The following ERC1 variants were observed in gnomAD, a reference collection of about 807,000 sequenced individuals.
ERC1 encodes RAB6 interacting protein 2.
Under a neutral mutation model 132.0 loss-of-function variants are expected in ERC1, and 56 were observed. That is an observed-to-expected ratio of 0.42 (90% confidence interval 0.34 to 0.53). The LOEUF is 0.53. ERC1 is among the 20% of genes least tolerant of loss of function. The probability of loss-of-function intolerance (pLI) is 0.03; values close to 1 mark genes in which losing one functional copy is unlikely to be tolerated. For synonymous variants in ERC1, 478 were observed against 476.1 expected (o/e 1.00, Z -0.05); for missense variants, 1,202 against 1,349.9 (o/e 0.89, Z 1.72).
chr12:1,352,945 G>T (rs2154367276), intron 15 of ERC1, among the ~76,000 whole-genome samples: 1 of 151,888 alleles, frequency 6.6e-6, no homozygotes, highest in Non-Finnish European at 1.5e-5. Context: ...TGTGATTTAG[G>T]CATGTATATT....
intron 15 of ERC1, among the ~76,000 whole-genome samples, chr12:1,315,467 C>G (rs924463235): frequency 7.9e-5 from 12 of 152,078 alleles, no homozygotes; most frequent in African/African-American, 1.9e-4. Flanking sequence ...TCTCCTGCCT[C>G]AGCCTCCCAA....
At chr12:1,031,359 T>G (rs779095323) in intron 2 of ERC1, among the ~76,000 whole-genome samples, 2 of 152,212 alleles carry the variant, frequency 1.3e-5, no homozygotes, top group Non-Finnish European at 2.9e-5. Flanking sequence ...TATTATGCTG[T>G]GACCTTCTTT....
intron 7 of ERC1, among the ~76,000 whole-genome samples, chr12:1,129,323 CAAAACT>C (rs1389036033): frequency 0.012 from 32 of 2,582 alleles, no homozygotes; most frequent in South Asian, 0.2. Context: ...ACAACAACAA[CAAAACT>C]AACAACAACA....
chr12:1,071,357 A>G (rs1940316107), intron 2 of ERC1, among the ~76,000 whole-genome samples: 1 of 152,130 alleles, frequency 6.6e-6, no homozygotes, highest in South Asian at 2.1e-4. Context: ...TAGCCATTCT[A>G]GTGGGTGTGT....
At chr12:1,374,268 C>T (rs1259530906) in intron 16 of ERC1, among the ~76,000 whole-genome samples, 2 of 152,190 alleles carry the variant, frequency 1.3e-5, no homozygotes, top group Non-Finnish European at 2.9e-5. Context: ...CTGATAGGCT[C>T]TTGGCGTTCA....
At chr12:1,441,207 C>T (rs558230119) in intron 17 of ERC1, among the ~76,000 whole-genome samples, 6 of 151,682 alleles carry the variant, frequency 4.0e-5, no homozygotes, top group African/African-American at 1.5e-4. Flanking sequence ...TACAGGCATG[C>T]GCCACCATGC....
chr12:998,562 C>G (rs1451608334), intron 1 of ERC1: 3 of 152,140 alleles, frequency 2.0e-5, no homozygotes, highest in African/African-American at 7.2e-5. Context: ...CAAAAGAGGA[C>G]AGATATTAGC....
chr12:1,068,411 CAAG>C (rs1346673062), intron 2 of ERC1, among the ~76,000 whole-genome samples: 1 of 151,996 alleles, frequency 6.6e-6, no homozygotes, highest in Non-Finnish European at 1.5e-5. Context: ...TTAAAAGACA[CAAG>C]AATCAAGTTT....
At chr12:1,193,741 C>G (rs920025338) in intron 12 of ERC1, among the ~76,000 whole-genome samples, 2 of 152,150 alleles carry the variant, frequency 1.3e-5, no homozygotes, top group Non-Finnish European at 2.9e-5. Context: ...TGGGAAACCT[C>G]AGCCCTGTTT....
At chr12:1,249,807 G>A (rs1411697721) in intron 13 of ERC1, among the ~76,000 whole-genome samples, 1 of 152,198 alleles carries the variant, frequency 6.6e-6, no homozygotes, top group African/African-American at 2.4e-5. Flanking sequence ...CAGATTTGGT[G>A]TCTGGTACAG....
At chr12:1,408,125 A>C in intron 16 of ERC1, 24 bp from the exon 17 acceptor site, 1 of 1,557,092 alleles carries the variant, frequency 6.4e-7, no homozygotes, top group Non-Finnish European at 8.9e-7. Flanking sequence ...CTTAAATTTA[A>C]CCTTATGAAT....
At chr12:1,026,497 C>A (rs1031135591) in intron 1 of ERC1, among the ~76,000 whole-genome samples, 1 of 152,176 alleles carries the variant, frequency 6.6e-6, no homozygotes, top group Non-Finnish European at 1.5e-5. Context: ...TATAGTTTTA[C>A]AAGGCTACAA....
chr12:1,214,330 T>C (rs1195691477), intron 12 of ERC1, among the ~76,000 whole-genome samples: 1 of 152,234 alleles, frequency 6.6e-6, no homozygotes, highest in East Asian at 1.9e-4. Context: ...GGTTTGCTCT[T>C]TTCATTTTTA....
At chr12:1,434,554 T>A (rs2092898564) in intron 17 of ERC1, among the ~76,000 whole-genome samples, 1 of 152,208 alleles carries the variant, frequency 6.6e-6, no homozygotes, top group Non-Finnish European at 1.5e-5. Context: ...CTAGGGTTTG[T>A]TCTTTGCGCT....
chr12:1,217,645 GT>G (rs1958549426), intron 12 of ERC1, among the ~76,000 whole-genome samples: 1 of 152,144 alleles, frequency 6.6e-6, no homozygotes. Flanking sequence ...TGTCTTCCCA[GT>G]TCACTTACTC....
intron 15 of ERC1, among the ~76,000 whole-genome samples, chr12:1,364,615 G>T (rs941511142): frequency 1.3e-5 from 2 of 152,128 alleles, no homozygotes. Context: ...TTGCCACTCT[G>T]TCTTTCTTAT....
intron 16 of ERC1, among the ~76,000 whole-genome samples, chr12:1,397,477 TAGAAAGGGATG>T (rs2090638135): frequency 6.6e-6 from 1 of 152,134 alleles, no homozygotes; most frequent in South Asian, 2.1e-4. Flanking sequence ...TGTGCAGCTG[TAGAAAGGGATG>T]AGAAAGATCT....
At chr12:1,385,431 C>T (rs1457254344) in intron 16 of ERC1, among the ~76,000 whole-genome samples, 3 of 151,990 alleles carry the variant, frequency 2.0e-5, no homozygotes, top group Admixed American at 6.5e-5. Context: ...TACAGGCGCC[C>T]GCCACCACGC....
chr12:1,064,444 G>A (rs1287027171), intron 2 of ERC1, among the ~76,000 whole-genome samples: 1 of 152,084 alleles, frequency 6.6e-6, no homozygotes, highest in Non-Finnish European at 1.5e-5. Context: ...GCCCAGGCTG[G>A]TGTGTGATGG....
Sources: gnomAD v4.1 joint callset for allele counts (sites outside exome capture counted in the v4.1 genomes callset) on GRCh38, gnomAD v4.1.1 for gene constraint, MANE v1.5 for transcripts, NCBI Gene and HGNC (gene_info 2026-07-23, HGNC 2026-07-21) for gene names.